Variants in SPEGNB observed in about 807,000 individuals in gnomAD.
The protein encoded by SPEGNB is SPEG neighbor protein.
Under a neutral mutation model 18.3 loss-of-function variants are expected in SPEGNB, and 12 were observed. That is an observed-to-expected ratio of 0.65 (90% CI 0.42 to 1.06). SPEGNB has a LOEUF of 1.06. SPEGNB is among the 50% of genes least tolerant of loss of function. The pLI is 0.00. For missense variants in SPEGNB, 273 were observed against 329.3 expected (o/e 0.83, Z 1.32); for synonymous variants, 113 against 138.8 (o/e 0.81, Z 1.31).
At position 219,498,031 on chromosome 2, in the gene SPEGNB, T is replaced by G; in HGVS notation, c.579-20T>G. On this transcript the variant is annotated intron_variant, in intron 4 of 4. Coordinates refer to ENST00000651166, the MANE Select transcript of SPEGNB (RefSeq NM_001286811.2). ...TGTACTGACCACGGCTCCGCCCTCC[T>G]CCCCGCCGCCCTTCCGCAGGGTGTT... The G allele has an allele frequency of 7.7e-7, 1 of 1,296,012 alleles. No homozygotes were observed. The highest frequency in any genetic ancestry group is 1.0e-6 in the Non-Finnish European group (1 of 984,482). The allele number at this position is 1,296,012 out of a possible 1,614,324, so 80.3% of individuals were successfully genotyped here.
chr2:219,497,467 A>ATG, intron 3 of SPEGNB: 1 of 362,756 alleles, frequency 2.8e-6, no homozygotes, highest in Middle Eastern at 1.0e-3. Context: ...GCACCGCGAG[A>ATG]TGTGTGAACA....
rs1694230913 is a variant in SPEGNB at position 219,496,683 on chromosome 2, C to T, written c.129-126C>T. On this transcript the variant is annotated intron_variant, in intron 2 of 4. Coordinates refer to ENST00000651166, the MANE Select transcript of SPEGNB (RefSeq NM_001286811.2). ...CAGCAGTTCAGGAGCAGTCCTCTTC[C>T]CTACCAAGCCACACGTTTAGGGGTC... 6.9e-6 allele frequency: 7 copies of T among 1,018,114 alleles called. No individual in the cohort carries two copies. The Admixed American group carries it at 2.2e-4, about 32-fold the overall frequency. The allele number at this position is 1,018,114 out of a possible 1,614,324, so 63.1% of individuals were successfully genotyped here. A position where few individuals can be genotyped will look rare whatever the true frequency, so the allele number is the denominator to read the frequency against.
intron 3 of SPEGNB, among the ~76,000 whole-genome samples, chr2:219,497,401 C>T (rs1694249759): frequency 6.6e-6 from 1 of 152,206 alleles, no homozygotes; most frequent in African/African-American, 2.4e-5. Flanking sequence ...AGGGTTGGAC[C>T]CGGGTCTTCT....
intron 3 of SPEGNB, among the ~76,000 whole-genome samples, chr2:219,497,346 C>T (rs1019306277): frequency 6.6e-6 from 1 of 152,214 alleles, no homozygotes; most frequent in African/African-American, 2.4e-5. Context: ...TTCCATCACG[C>T]GGCTCCGGGT....
chr2:219,496,975 A>C lies in SPEGNB; in HGVS notation c.295A>C (p.Lys99Gln). 1.5e-6 allele frequency: 2 copies of C among 1,303,558 alleles called. No homozygotes were observed. The highest frequency in any genetic ancestry group is 2.5e-5 in the South Asian group (2 of 80,972). The allele number at this position is 1,303,558 out of a possible 1,614,324, so 80.7% of individuals were successfully genotyped here. ...KDGKELRDGP[K>Q]YRYVFEDPDV... ...CGGCAAGGAGCTACGTGACGGTCCC[A>C]AGTACCGCTACGTCTTCGAGGACCC... Residue 99 changes from lysine to glutamine, a missense_variant, in exon 3 of 5, where the codon AAG (lysine) becomes CAG (glutamine). Transcript: ENST00000651166.
chr2:219,498,025 C>A, intron 4 of SPEGNB, 26 bp from the exon 5 acceptor site: 2 of 1,294,272 alleles, frequency 1.5e-6, no homozygotes, highest in South Asian at 1.3e-5. Context: ...CACGGCTCCG[C>A]CCTCCTCCCC....
At chr2:219,496,632 G>A (rs1254627056) in intron 2 of SPEGNB, 150 bp downstream of exon 2, 25 of 966,766 alleles carry the variant, frequency 2.6e-5, no homozygotes, top group Non-Finnish European at 3.1e-5. Flanking sequence ...GGGAGTGGCC[G>A]GGAGGAATGC....
Position 219,498,248 on chromosome 2 carries a change from C to G in SPEGNB, c.*59C>G. The G allele has an allele frequency of 1.6e-6, 2 of 1,266,012 alleles. No homozygotes were observed. The highest frequency in any genetic ancestry group is 1.3e-5 in the South Asian group (1 of 75,244). The allele number at this position is 1,266,012 out of a possible 1,614,324, so 78.4% of individuals were successfully genotyped here. Reference sequence around the variant, plus strand: ...GCCCGGGGGTGGTGGGACCCACAGCCCTCCACCAGCTTGCTTAATAAAGCT... The same window carrying G: ...GCCCGGGGGTGGTGGGACCCACAGCGCTCCACCAGCTTGCTTAATAAAGCT... On this transcript the variant is annotated 3_prime_UTR_variant, in exon 5 of 5. Coordinates refer to ENST00000651166, the MANE Select transcript of SPEGNB (RefSeq NM_001286811.2).
chr2:219,497,561 C>A (rs2010528), intron 3 of SPEGNB, 159 bp from the exon 4 acceptor site: 1 of 907,930 alleles, frequency 1.1e-6, no homozygotes, highest in Non-Finnish European at 1.5e-6. Flanking sequence ...GTCCCTTTAA[C>A]AGCCAAGGAG....
intron 3 of SPEGNB, 195 bp from the exon 4 acceptor site, chr2:219,497,525 C>T: frequency 1.7e-6 from 1 of 601,880 alleles, no homozygotes; most frequent in South Asian, 2.0e-5. Context: ...CTATTCGACC[C>T]CGAGAAGTAG....
rs1443627315 is a variant in SPEGNB at position 219,496,879 on chromosome 2, G to C, written c.199G>C (p.Glu67Gln). Residue 67 changes from glutamate (E) to glutamine (Q), a missense_variant, in exon 3 of 5, where the codon GAA (glutamate) becomes CAA (glutamine). By Grantham distance (29) the Glu-to-Gln change is conservative. Coordinates refer to ENST00000651166, the MANE Select transcript of SPEGNB (RefSeq NM_001286811.2). Reference protein sequence around the residue: ...LEPLKDVVLIEGSAAKLTCRI... With the variant: ...LEPLKDVVLIQGSAAKLTCRI... Reference sequence around the variant, plus strand: ...GCCGCTGAAGGACGTGGTGCTGATCGAAGGCAGCGCGGCCAAGCTCACTTG... The same window carrying C: ...GCCGCTGAAGGACGTGGTGCTGATCCAAGGCAGCGCGGCCAAGCTCACTTG... The C allele has an allele frequency of 7.7e-7, 1 of 1,292,076 alleles. No homozygotes were observed. The allele number at this position is 1,292,076 out of a possible 1,614,324, so 80.0% of individuals were successfully genotyped here. A position where few individuals can be genotyped will look rare whatever the true frequency, so the allele number is the denominator to read the frequency against.
chr2:219,498,251 C>G lies in SPEGNB; in HGVS notation c.*62C>G. 1 of 1,260,094 alleles carries G rather than the reference C, an allele frequency of 7.9e-7. No individual in the cohort carries two copies. Among genetic ancestry groups the G allele is most frequent in the Non-Finnish European group, 1.0e-6 (1 of 967,650 alleles). The allele number at this position is 1,260,094 out of a possible 1,614,324, so 78.1% of individuals were successfully genotyped here. On this transcript the variant is annotated 3_prime_UTR_variant, in exon 5 of 5. Transcript: ENST00000651166. ...CGGGGGTGGTGGGACCCACAGCCCT[C>G]CACCAGCTTGCTTAATAAAGCTGCT...
At chr2:219,496,329 C>T in intron 1 of SPEGNB, 26 bp from the exon 2 acceptor site, 1 of 1,205,408 alleles carries the variant, frequency 8.3e-7, no homozygotes. Context: ...CAACCTGGAC[C>T]CCCATATTTG....
At chr2:219,497,452 C>T (rs1417131846) in intron 3 of SPEGNB, among the ~76,000 whole-genome samples, 1 of 152,310 alleles carries the variant, frequency 6.6e-6, no homozygotes, top group Admixed American at 6.5e-5. Context: ...GGAGCGGTCT[C>T]TGAGGCACCG....
chr2:219,497,264 C>A, intron 3 of SPEGNB, 148 bp downstream of exon 3: 1 of 530,388 alleles, frequency 1.9e-6, no homozygotes, highest in Non-Finnish European at 2.6e-6. Flanking sequence ...GGGCGCATCG[C>A]CGCGCCAGCC....
intron 4 of SPEGNB, 84 bp downstream of exon 4, chr2:219,497,945 G>A: frequency 7.0e-6 from 9 of 1,281,970 alleles, no homozygotes; most frequent in Non-Finnish European, 8.2e-6. Context: ...CTGGAGTGAC[G>A]GGGGCGGGGA....
In SPEGNB at chr2:219,496,487, G is replaced by A; in HGVS notation, c.128+5G>A. 3 of 1,250,656 alleles carry A rather than the reference G, an allele frequency of 2.4e-6. No individual in the cohort carries two copies. Among genetic ancestry groups the A allele is most frequent in the Non-Finnish European group, 3.1e-6 (3 of 954,504 alleles). The allele number at this position is 1,250,656 out of a possible 1,614,324, so 77.5% of individuals were successfully genotyped here. A position where few individuals can be genotyped will look rare whatever the true frequency, so the allele number is the denominator to read the frequency against. On this transcript the variant is annotated splice_donor_5th_base_variant and intron_variant, in intron 2 of 4. Transcript: ENST00000651166. ...GGCCTCTTACCGGGGCCACAGGTGA[G>A]AGGGAACCCCGGAGCCCTGTGGAGG...
chr2:219,496,558 G>C (rs1234020724), intron 2 of SPEGNB, 76 bp downstream of exon 2: 1 of 1,150,250 alleles, frequency 8.7e-7, no homozygotes, highest in African/African-American at 1.6e-5. Flanking sequence ...TTGAGTAAGC[G>C]CTGAGCAGCG....
intron 1 of SPEGNB, 63 bp from the exon 2 acceptor site, chr2:219,496,292 A>G (rs1479925815): frequency 8.8e-7 from 1 of 1,136,944 alleles, no homozygotes; most frequent in East Asian, 6.4e-5. Context: ...CAGGGAGGAA[A>G]AGGGCTGAAG....
Sources: gnomAD v4.1 joint callset for allele counts (sites outside exome capture counted in the v4.1 genomes callset) on GRCh38, gnomAD v4.1.1 for gene constraint, MANE v1.5 for transcripts, NCBI Gene and HGNC (gene_info 2026-07-23, HGNC 2026-07-21) for gene names.